The following CDC42BPA variants were observed in gnomAD, a reference collection of about 807,000 sequenced individuals.
CDC42BPA encodes the protein serine/threonine-protein kinase MRCK alpha.
A neutral mutation model predicts 223.5 loss-of-function variants in CDC42BPA; 80 were observed. The observed-to-expected ratio is 0.36, with a 90% CI of 0.30 to 0.43. The LOEUF is 0.43. Ranked by LOEUF, CDC42BPA falls within the 20% of genes least tolerant of loss-of-function variation. The probability of loss-of-function intolerance (pLI) is 1.00; values close to 1 mark genes in which losing one functional copy is unlikely to be tolerated. For missense variants in CDC42BPA, 1,743 were observed against 2,099.9 expected (o/e 0.83, Z 3.32); for synonymous variants, 694 against 718.6 (o/e 0.97, Z 0.55).
chr1:227,244,459 CA>C (rs1490580031), intron 2 of CDC42BPA, among the ~76,000 whole-genome samples: 4 of 73,112 alleles, frequency 5.5e-5, no homozygotes, highest in Non-Finnish European at 1.1e-4. Context: ...TGATAGAAGT[CA>C]GAATAGTTAA....
At chr1:227,088,813 C>T (rs78574598) in intron 16 of CDC42BPA, among the ~76,000 whole-genome samples, 19,617 of 152,080 alleles carry the variant, frequency 0.13, 1,339 homozygotes, top group East Asian at 0.26. Context: ...GCTACCTCCA[C>T]CTCCTGGGTT....
intron 21 of CDC42BPA, among the ~76,000 whole-genome samples, chr1:227,055,734 G>C (rs1220912633): frequency 1.3e-5 from 2 of 152,000 alleles, no homozygotes; most frequent in Non-Finnish European, 2.9e-5. Context: ...AAGTAGCAGA[G>C]ATATTATAAA....
intron 8 of CDC42BPA, among the ~76,000 whole-genome samples, chr1:227,144,524 G>A (rs941154060): frequency 1.6e-5 from 2 of 126,714 alleles, no homozygotes; most frequent in Admixed American, 9.6e-5. Context: ...GCAATGAGCC[G>A]AGATTGTGCC....
intron 2 of CDC42BPA, among the ~76,000 whole-genome samples, chr1:227,251,193 G>T (rs995427883): frequency 6.6e-6 from 1 of 151,858 alleles, no homozygotes; most frequent in African/African-American, 2.4e-5. Context: ...TATATGTTGG[G>T]GTTTCAAATA....
intron 5 of CDC42BPA, among the ~76,000 whole-genome samples, chr1:227,179,976 G>A (rs952525966): frequency 1.3e-5 from 2 of 152,162 alleles, no homozygotes; most frequent in Non-Finnish European, 2.9e-5. Context: ...GGGAGGCCAT[G>A]GAGGGCGGAT....
In CDC42BPA at chr1:227,026,169, G is replaced by C. The variant is rs756167470; in HGVS notation, c.4433-17C>G. On this transcript the variant is annotated splice_polypyrimidine_tract_variant and intron_variant, in intron 30 of 36. Transcript: ENST00000366766. ...CATTGTAACCTGGGAGAAGGGAAGG[G>C]GGGGCAGCTTGCGGATTACTTTTAA... 7 of 1,408,158 alleles carry C rather than the reference G, an allele frequency of 5.0e-6. No individual in the cohort carries two copies. Among genetic ancestry groups the C allele is most frequent in the Non-Finnish European group, 7.0e-6 (7 of 1,006,424 alleles). The allele number at this position is 1,408,158 out of a possible 1,614,324, so 87.2% of individuals were successfully genotyped here.
chr1:227,023,126 A>G (rs1261400128), intron 32 of CDC42BPA, 137 bp downstream of exon 32: 1 of 524,876 alleles, frequency 1.9e-6, no homozygotes, highest in Non-Finnish European at 3.4e-6. Context: ...ATAGTGGCCA[A>G]CATCATAGAC....
intron 31 of CDC42BPA, among the ~76,000 whole-genome samples, chr1:227,023,868 A>G (rs1055416991): frequency 1.3e-5 from 2 of 152,350 alleles, no homozygotes; most frequent in Admixed American, 6.5e-5. Flanking sequence ...GGGTATATAC[A>G]TTTAAAAAAG....
At chr1:227,041,450 T>C (rs1671357983) in intron 23 of CDC42BPA, among the ~76,000 whole-genome samples, 1 of 152,214 alleles carries the variant, frequency 6.6e-6, no homozygotes, top group South Asian at 2.1e-4. Context: ...TCTAATAAAT[T>C]ATGAATACTG....
chr1:227,256,419 G>A (rs1006080350), intron 1 of CDC42BPA, among the ~76,000 whole-genome samples: 1 of 152,010 alleles, frequency 6.6e-6, no homozygotes, highest in African/African-American at 2.4e-5. Context: ...AAACCACCAT[G>A]GCACATGTAT....
intron 10 of CDC42BPA, among the ~76,000 whole-genome samples, chr1:227,136,434 G>A (rs1658585988): frequency 6.6e-6 from 1 of 152,208 alleles, no homozygotes; most frequent in Admixed American, 6.5e-5. Context: ...TACAGTCCCA[G>A]AAGGAGAGGA....
chr1:227,262,209 A>AATG (rs35707565), intron 1 of CDC42BPA, among the ~76,000 whole-genome samples: 46,538 of 151,768 alleles, frequency 0.31, 7,259 homozygotes, highest in East Asian at 0.37. Flanking sequence ...AAGAAATACA[A>AATG]ATAATGAAAG....
chr1:227,167,313 GT>G (rs1014699564), intron 5 of CDC42BPA, among the ~76,000 whole-genome samples: 3 of 151,236 alleles, frequency 2.0e-5, no homozygotes, highest in Non-Finnish European at 4.4e-5. Context: ...TTGTCCAAAA[GT>G]TTTTTTTTGG....
chr1:227,282,948 A>T (rs1423368644), intron 1 of CDC42BPA, among the ~76,000 whole-genome samples: 1 of 152,210 alleles, frequency 6.6e-6, no homozygotes, highest in Non-Finnish European at 1.5e-5. Flanking sequence ...TATGTACTTG[A>T]TGTCACTGAA....
At chr1:227,236,918 C>G (rs1413238905) in intron 2 of CDC42BPA, among the ~76,000 whole-genome samples, 3 of 151,966 alleles carry the variant, frequency 2.0e-5, no homozygotes, top group Admixed American at 6.6e-5. Flanking sequence ...TGACACATGC[C>G]TGTGGTACCA....
intron 31 of CDC42BPA, 71 bp downstream of exon 31, chr1:227,025,984 A>AG: frequency 1.3e-6 from 1 of 791,870 alleles, no homozygotes; most frequent in Non-Finnish European, 2.1e-6. Context: ...TAAAAAAAAA[A>AG]TTACTATGTA....
intron 5 of CDC42BPA, among the ~76,000 whole-genome samples, chr1:227,166,059 C>G (rs1664981698): frequency 6.6e-6 from 1 of 152,184 alleles, no homozygotes; most frequent in African/African-American, 2.4e-5. Flanking sequence ...TAATGGTTAT[C>G]AATATCACAG....
chr1:227,193,807 TGAAC>T lies in CDC42BPA; in HGVS notation c.574_577del (p.Val192IlefsTer16). 1 of 1,612,654 alleles carries T rather than the reference TGAAC, an allele frequency of 6.2e-7. No individual in the cohort carries two copies. Among genetic ancestry groups the T allele is most frequent in the Non-Finnish European group, 8.5e-7 (1 of 1,179,386 alleles). ...TTACCTGTGTACATAATGTAGCTGA[TGAAC>T]TGAGTCAATTGCTATCACCATCTCA... On this transcript the variant is annotated frameshift_variant, in exon 5 of 37. Transcript: ENST00000366766. LOFTEE classifies it high-confidence loss of function.
chr1:227,013,727 G>A (rs903802114), intron 34 of CDC42BPA, among the ~76,000 whole-genome samples: 2 of 151,994 alleles, frequency 1.3e-5, no homozygotes, highest in African/African-American at 4.8e-5. Context: ...TGAAACAAAA[G>A]TGTAAAAAAT....
Sources: allele counts gnomAD v4.1 joint callset (sites outside exome capture counted in the v4.1 genomes callset), GRCh38; gene constraint gnomAD v4.1.1; transcripts MANE v1.5; gene names NCBI Gene and HGNC (gene_info 2026-07-23, HGNC 2026-07-21).